GREB1: variants seen among roughly 807,000 people sequenced by gnomAD.
GREB1 encodes growth regulating estrogen receptor binding 1, also known as protein GREB1.
Under a neutral mutation model 200.7 loss-of-function variants are expected in GREB1, and 106 were observed. The observed-to-expected ratio is 0.53, with a 90% CI of 0.45 to 0.62. The LOEUF (loss-of-function observed/expected upper bound fraction) is 0.62. Among genes scored for constraint, GREB1 ranks in the 20% least tolerant of loss-of-function variants. The pLI is 0.00. For synonymous variants in GREB1, 1,132 were observed against 1,092.4 expected (o/e 1.04, Z -0.72); for missense variants, 2,243 against 2,556.8 (o/e 0.88, Z 2.65).
At position 11,618,511 on chromosome 2, in the gene GREB1, G is replaced by T. The variant is rs750700207; in HGVS notation, c.3636G>T (p.Gln1212His). The T allele has an allele frequency of 2.7e-5, 43 of 1,611,694 alleles. No individual in the cohort carries two copies. Among genetic ancestry groups the T allele is most frequent in the Non-Finnish European group, 3.5e-5 (41 of 1,179,578 alleles). ...CSLRTGQRSV[Q>H]VSVTSSCSQL... Reference sequence around the variant, plus strand: ...TCAGGACCGGCCAGAGGAGCGTCCAGGTGTCGGTCACCTCGTCGTGCTCCC... The same window carrying T: ...TCAGGACCGGCCAGAGGAGCGTCCATGTGTCGGTCACCTCGTCGTGCTCCC... Residue 1212 changes from glutamine to histidine, a missense_variant, in exon 22 of 33, where the codon CAG (glutamine) becomes CAT (histidine). Gln to His is a conservative substitution (Grantham distance 24, BLOSUM62 0). Transcript: ENST00000381486.
intron 18 of GREB1, 104 bp downstream of exon 18, chr2:11,611,131 C>T (rs887560901): frequency 2.1e-4 from 211 of 1,001,114 alleles, no homozygotes; most frequent in Non-Finnish European, 2.8e-4. Context: ...GCGTGGCCAA[C>T]GTGGCTTCCC....
rs933129811 is a variant in GREB1, at chr2:11,580,084, C to A, written c.773-620C>A. ...CAAGAGAGCATGTGCAGGGGAACTG[C>A]CCTTTATAAAACCATCAGGTCTCGT... On this transcript the variant is annotated intron_variant, in intron 6 of 32. Transcript: ENST00000381486. This position sits in a 1 kb window ranked among gnomAD's most constrained non-coding sequence, Gnocchi z 4.5. Among the ~76,000 whole-genome samples, 7 of 152,258 alleles carry A rather than the reference C, an allele frequency of 4.6e-5. No individual in the cohort carries two copies. The highest frequency in any genetic ancestry group is 1.3e-4 in the Admixed American group (2 of 15,304).
At chr2:11,638,016 T>G (rs1015263716) in intron 31 of GREB1, 100 bp downstream of exon 31, 4 of 1,020,962 alleles carry the variant, frequency 3.9e-6, no homozygotes, top group East Asian at 2.5e-5. Flanking sequence ...CCTCAACTCC[T>G]TCGTCTCGGG....
chr2:11,521,443 T>C (rs1404170854), intron 1 of GREB1, among the ~76,000 whole-genome samples: 6 of 152,180 alleles, frequency 3.9e-5, no homozygotes, highest in African/African-American at 1.4e-4. Context: ...GTGATTGATA[T>C]TCAAGGATAT....
At chr2:11,541,552 G>A (rs1272565646) in intron 1 of GREB1, among the ~76,000 whole-genome samples, 2 of 152,108 alleles carry the variant, frequency 1.3e-5, no homozygotes, top group Non-Finnish European at 2.9e-5. Flanking sequence ...CACTGCCTCC[G>A]ACTCTTTCCA....
intron 19 of GREB1, 55 bp from the exon 20 acceptor site, chr2:11,615,036 C>A: frequency 7.4e-7 from 1 of 1,343,472 alleles, no homozygotes. Context: ...GCAGTGGGAA[C>A]AGCACTCCAC....
intron 17 of GREB1, among the ~76,000 whole-genome samples, chr2:11,609,733 G>T (rs1404207423): frequency 6.6e-6 from 1 of 152,216 alleles, no homozygotes; most frequent in African/African-American, 2.4e-5. Flanking sequence ...GGAAGAAGGA[G>T]CAGGGATGTC....
rs997216114 is a variant in GREB1 at position 11,620,901 on chromosome 2, A to G, written c.4045-4A>G. Reference sequence around the variant, plus strand: ...TGGGGGTTTTAACTCCTATACCTTTACAGATCGGGAAGACAGGTGCCTACC... The same window carrying G: ...TGGGGGTTTTAACTCCTATACCTTTGCAGATCGGGAAGACAGGTGCCTACC... On this transcript the variant is annotated splice_region_variant and splice_polypyrimidine_tract_variant and intron_variant, in intron 22 of 32. Transcript: ENST00000381486. 6.3e-7 allele frequency: 1 copy of G among 1,592,592 alleles called. No homozygotes were observed. The highest frequency in any genetic ancestry group is 8.6e-7 in the Non-Finnish European group (1 of 1,160,450).
intron 10 of GREB1, among the ~76,000 whole-genome samples, chr2:11,590,994 T>C (rs567973456): frequency 1.6e-4 from 25 of 152,130 alleles, no homozygotes; most frequent in Admixed American, 3.3e-4. Context: ...TGATGATGTA[T>C]GTGAAGATTG....
intron 1 of GREB1, among the ~76,000 whole-genome samples, chr2:11,542,999 T>G (rs1256120734): frequency 1.3e-5 from 2 of 152,204 alleles, no homozygotes; most frequent in African/African-American, 2.4e-5. Flanking sequence ...TTGACAATCC[T>G]CTCTGTAACC....
At chr2:11,571,587 C>G (rs570265264) in intron 4 of GREB1, among the ~76,000 whole-genome samples, 2 of 152,232 alleles carry the variant, frequency 1.3e-5, no homozygotes, top group South Asian at 4.1e-4. Flanking sequence ...ATTTGAGGAA[C>G]TACTGTCGTT....
At chr2:11,606,919 A>G (rs1682355291) in intron 17 of GREB1, among the ~76,000 whole-genome samples, 1 of 151,788 alleles carries the variant, frequency 6.6e-6, no homozygotes, top group Non-Finnish European at 1.5e-5. Flanking sequence ...AGTAGCTGGG[A>G]TTACAGGCAC....
intron 4 of GREB1, among the ~76,000 whole-genome samples, 198 bp from the exon 5 acceptor site, chr2:11,576,155 C>T (rs112733616): frequency 3.4e-4 from 52 of 152,092 alleles, no homozygotes; most frequent in African/African-American, 1.0e-3. Flanking sequence ...AAATACAAAA[C>T]AATCAGCTAG....
chr2:11,532,472 C>T (rs542768498), upstream of GREB1, among the ~76,000 whole-genome samples: 34 of 152,224 alleles, frequency 2.2e-4, no homozygotes, highest in African/African-American at 8.2e-4. Flanking sequence ...TTTCCTTACG[C>T]CTTTAGTTTT....
rs57352590 is a variant in GREB1, at chr2:11,483,687, GGTGTGTGTGTGTGT to G, written c.-159+1340_-159+1353del. Reference sequence around the variant, plus strand: ...GCTGCTTCCCCGAAGTACAAGAAGGGGTGTGTGTGTGTGTGTGTGTGTGTGTGTGTGTGTGTGTG... The same window carrying G: ...GCTGCTTCCCCGAAGTACAAGAAGGGGTGTGTGTGTGTGTGTGTGTGTGTG... On this transcript the variant is annotated intron_variant, in intron 1 of 2. Transcript: ENST00000628795. Among the ~76,000 whole-genome samples the G allele has an allele frequency of 4.3e-3, 569 of 132,382 alleles. 6 individuals are homozygous for G. Among genetic ancestry groups the G allele is most frequent in the East Asian group, 0.03 (129 of 4,248 alleles). The allele number at this position is 132,382 out of a possible 152,430, so 86.8% of individuals were successfully genotyped here.
chr2:11,593,032 G>A lies in GREB1; in HGVS notation c.1602G>A (p.Arg534=), dbSNP rs368190940. 1.2e-6 allele frequency: 2 copies of A among 1,613,124 alleles called. No individual in the cohort carries two copies. Among genetic ancestry groups the A allele is most frequent in the African/African-American group, 2.7e-5 (2 of 74,926 alleles). The change falls in exon 11 of 33, where the codon CGG becomes CGA. Residue 534 remains arginine (R), a synonymous_variant. Coordinates refer to ENST00000381486, the MANE Select transcript of GREB1 (RefSeq NM_014668.4). ...CCGAGGGCCTCTCCGAGATGTTCCGGCTGTTGGTCGAGGGCAAGCTTGCCA... is the reference window on the plus strand; with the variant it reads ...CCGAGGGCCTCTCCGAGATGTTCCGACTGTTGGTCGAGGGCAAGCTTGCCA... ...SLAEGLSEMF[R]LLVEGKLAKT...
At chr2:11,551,773 C>A (rs1443604483) in intron 1 of GREB1, among the ~76,000 whole-genome samples, 1 of 152,182 alleles carries the variant, frequency 6.6e-6, no homozygotes, top group Non-Finnish European at 1.5e-5. Flanking sequence ...GGTCATGGAA[C>A]CAAGAAGTGG....
At chr2:11,544,111 G>C (rs1161905986) in intron 1 of GREB1, among the ~76,000 whole-genome samples, 2 of 152,156 alleles carry the variant, frequency 1.3e-5, no homozygotes, top group Non-Finnish European at 2.9e-5. Flanking sequence ...TGCATGATTG[G>C]TAACAGGTGG....
At chr2:11,494,261 C>G (rs1418922482) in intron 1 of GREB1, among the ~76,000 whole-genome samples, 1 of 152,268 alleles carries the variant, frequency 6.6e-6, no homozygotes, top group Non-Finnish European at 1.5e-5. Flanking sequence ...TCTTCCCTGA[C>G]TTGTCACCAC....
Sources: allele counts gnomAD v4.1 joint callset (sites outside exome capture counted in the v4.1 genomes callset), GRCh38; gene constraint gnomAD v4.1.1; non-coding constraint Gnocchi (gnomAD v3.1); transcripts MANE v1.5; gene names NCBI Gene and HGNC (gene_info 2026-07-23, HGNC 2026-07-21).